Variants in BBS5 observed in about 807,000 individuals in gnomAD.
The protein encoded by BBS5 is Bardet-Biedl syndrome 5, also known as BBSome complex member BBS5.
A neutral mutation model predicts 50.2 loss-of-function variants in BBS5; 39 were observed. That is an observed-to-expected ratio of 0.78 (90% CI 0.60 to 1.01). The LOEUF (loss-of-function observed/expected upper bound fraction) is 1.01, where lower values mean the gene tolerates loss of function less well. BBS5 is among the 50% of genes least tolerant of loss of function. The pLI, the probability that BBS5 is intolerant of heterozygous loss-of-function variation, is 0.00. For missense variants in BBS5, 356 were observed against 401.5 expected, an observed-to-expected ratio of 0.89 and a Z score of 0.97; for synonymous variants, 134 against 133.1, an observed-to-expected ratio of 1.01 and a Z score of -0.05.
intron 5 of BBS5, 132 bp from the exon 6 acceptor site, chr2:169,492,742 A>T: frequency 1.1e-6 from 1 of 870,070 alleles, no homozygotes. Context: ...AAGAAATAAA[A>T]ATATTAAAAT....
chr2:169,483,292 C>T (rs1683432325), intron 2 of BBS5, among the ~76,000 whole-genome samples: 1 of 152,074 alleles, frequency 6.6e-6, no homozygotes, highest in Admixed American at 6.6e-5. Flanking sequence ...GAGATTGGTT[C>T]CCCTCAGAGA....
intron 5 of BBS5, among the ~76,000 whole-genome samples, chr2:169,491,342 T>C (rs185547385): frequency 6.6e-6 from 1 of 152,320 alleles, no homozygotes; most frequent in East Asian, 1.9e-4. Context: ...TTTCTTCCAC[T>C]GGTTAAGTAT....
chr2:169,500,502 G>A (rs115465802), intron 9 of BBS5, among the ~76,000 whole-genome samples: 85 of 152,264 alleles, frequency 5.6e-4, no homozygotes, highest in African/African-American at 2.0e-3. Flanking sequence ...CTCCCTTGCT[G>A]TCTGTTCTTT....
At chr2:169,491,044 A>G (rs1432957816) in intron 5 of BBS5, among the ~76,000 whole-genome samples, 2 of 152,188 alleles carry the variant, frequency 1.3e-5, no homozygotes, top group African/African-American at 4.8e-5. Flanking sequence ...TGGGCATACC[A>G]CATTTTGTTT....
chr2:169,491,237 G>A (rs1395905810), intron 5 of BBS5, among the ~76,000 whole-genome samples: 3 of 152,074 alleles, frequency 2.0e-5, no homozygotes, highest in Non-Finnish European at 4.4e-5. Context: ...AGTTCTAAAT[G>A]GAATATGAAG....
chr2:169,497,545 T>A, intron 7 of BBS5, 82 bp from the exon 8 acceptor site: 1 of 850,202 alleles, frequency 1.2e-6, no homozygotes, highest in Non-Finnish European at 2.0e-6. Context: ...GTAAATACTG[T>A]GTAAAGTTTA....
intron 5 of BBS5, among the ~76,000 whole-genome samples, chr2:169,489,474 A>C (rs201602604): frequency 7.3e-6 from 1 of 136,124 alleles, no homozygotes; most frequent in African/African-American, 2.6e-5. Flanking sequence ...AAAAAAAAAA[A>C]TTTTTTTTTT....
At chr2:169,504,027 A>G (rs1416331837) in intron 10 of BBS5, among the ~76,000 whole-genome samples, 2 of 151,950 alleles carry the variant, frequency 1.3e-5, no homozygotes, top group African/African-American at 4.8e-5. Flanking sequence ...CCACATGATG[A>G]TTAAGTCATT....
intron 7 of BBS5, among the ~76,000 whole-genome samples, chr2:169,496,760 T>C (rs1683701028): frequency 6.6e-6 from 1 of 151,884 alleles, no homozygotes; most frequent in Non-Finnish European, 1.5e-5. Context: ...TCCCAGCTAC[T>C]TGGGAGGCTG....
chr2:169,492,752 T>G lies in BBS5; in HGVS notation c.387-122T>G, dbSNP rs148618833. 3,490 of 890,490 alleles carry G rather than the reference T, an allele frequency of 3.9e-3. 94 individuals carry two copies. In the African/African-American group the frequency reaches 0.052, roughly 13 times the overall value. 55.2% of individuals were successfully genotyped at this position (890,490 alleles called of 1,614,324 possible). The stretch of plus-strand genomic sequence containing the variant: ...TTAAAAAGAAATAAAAATATTAAAA[T>G]GTATCATAATTATTTGAGTAATGTT... On this transcript the variant is annotated intron_variant, in intron 5 of 11. Transcript: ENST00000295240.
chr2:169,504,469 T>C lies in BBS5; in HGVS notation c.925-12T>C. ...TCTCTATTCCCATCTTATCCTCCTG[T>C]CTCCCAAAAAGCAACAAGATCGTGA... is the stretch of plus-strand genomic sequence containing the variant. On this transcript the variant is annotated splice_polypyrimidine_tract_variant and intron_variant, in intron 11 of 11. Transcript: ENST00000295240. 1.2e-6 allele frequency: 2 copies of C among 1,611,168 alleles called. No homozygotes were observed. The highest frequency in any genetic ancestry group is 1.7e-5 in the Admixed American group (1 of 60,024).
chr2:169,487,978 T>A lies in BBS5; in HGVS notation c.259-9T>A, dbSNP rs922930783. 2.5e-6 allele frequency: 4 copies of A among 1,613,318 alleles called. No homozygotes were observed. The African/African-American group carries it at 5.3e-5, about 22-fold the overall frequency. On this transcript the variant is annotated splice_polypyrimidine_tract_variant and intron_variant, in intron 4 of 11. Coordinates refer to ENST00000295240, the MANE Select transcript of BBS5 (RefSeq NM_152384.3). ...AAATCTGAACTTTTAAATAAATTTG[T>A]CCTTACAGAAATTACGAGGCCAAAC...
chr2:169,498,002 T>G (rs1683726832), intron 8 of BBS5, among the ~76,000 whole-genome samples: 2 of 152,192 alleles, frequency 1.3e-5, no homozygotes, highest in South Asian at 4.1e-4. Flanking sequence ...AGCTACTATT[T>G]TTCCCCCATT....
At chr2:169,485,910 A>G (rs1301883381) in intron 2 of BBS5, among the ~76,000 whole-genome samples, 1 of 152,204 alleles carries the variant, frequency 6.6e-6, no homozygotes, top group African/African-American at 2.4e-5. Context: ...TGTTTCTTCC[A>G]GATTTCATGA....
intron 5 of BBS5, among the ~76,000 whole-genome samples, chr2:169,491,863 C>A (rs1683608319): frequency 6.6e-6 from 1 of 152,164 alleles, no homozygotes; most frequent in African/African-American, 2.4e-5. Flanking sequence ...GTGGCGCAAT[C>A]TCAGCTCACT....
At chr2:169,489,314 T>C (rs1416275773) in intron 5 of BBS5, among the ~76,000 whole-genome samples, 1 of 151,694 alleles carries the variant, frequency 6.6e-6, no homozygotes, top group African/African-American at 2.4e-5. Context: ...TACAAAAAAA[T>C]TAGCTGAGCA....
chr2:169,502,785 C>T (rs894640176), intron 9 of BBS5, among the ~76,000 whole-genome samples: 8 of 152,102 alleles, frequency 5.3e-5, no homozygotes, highest in Admixed American at 5.2e-4. Flanking sequence ...TTATGCAAAA[C>T]TTAGTTTTTC....
rs1238376842 is a variant in BBS5, at chr2:169,493,854, G to T, written c.618+18G>T. ...TGCAAATTGTAAGTACATACATTTT[G>T]ATGACCTTATTTTAATGTAAAATAA... On this transcript the variant is annotated intron_variant, in intron 7 of 11. Transcript: ENST00000295240. 6.8e-7 allele frequency: 1 copy of T among 1,474,012 alleles called. No homozygotes were observed. The highest frequency in any genetic ancestry group is 9.5e-7 in the Non-Finnish European group (1 of 1,054,152). The allele number at this position is 1,474,012 out of a possible 1,614,324, so 91.3% of individuals were successfully genotyped here.
At chr2:169,503,279 T>G in intron 10 of BBS5, 101 bp downstream of exon 10, 1 of 952,336 alleles carries the variant, frequency 1.1e-6, no homozygotes, top group African/African-American at 1.6e-5. Flanking sequence ...ACTTGAGATT[T>G]TGATGGTGTC....
Sources: gnomAD v4.1 joint callset for allele counts (sites outside exome capture counted in the v4.1 genomes callset) on GRCh38, gnomAD v4.1.1 for gene constraint, MANE v1.5 for transcripts, NCBI Gene and HGNC (gene_info 2026-07-23, HGNC 2026-07-21) for gene names.